The following TNRC6C variants were observed in gnomAD, a reference collection of about 807,000 sequenced individuals.
TNRC6C encodes trinucleotide repeat containing adaptor 6C.
A neutral mutation model predicts 153.7 loss-of-function variants in TNRC6C; 20 were observed. The observed-to-expected ratio is 0.13, with a 90% CI of 0.09 to 0.19. TNRC6C has a LOEUF of 0.19. TNRC6C is among the 10% of genes least tolerant of loss of function. The pLI is 1.00. For missense variants in TNRC6C, 1,987 were observed against 2,172.0 expected, an observed-to-expected ratio of 0.91 and a Z score of 1.69; for synonymous variants, 811 against 841.4, an observed-to-expected ratio of 0.96 and a Z score of 0.63.
intron 5 of TNRC6C, among the ~76,000 whole-genome samples, chr17:78,068,287 C>G (rs1431345739): frequency 1.3e-5 from 2 of 152,322 alleles, no homozygotes; most frequent in East Asian, 3.9e-4. Flanking sequence ...AAATTAATTA[C>G]TTTTTATTTT....
intron 1 of TNRC6C, among the ~76,000 whole-genome samples, chr17:77,978,769 A>AC (rs1488755271): frequency 3.3e-5 from 5 of 151,992 alleles, no homozygotes; most frequent in Non-Finnish European, 5.9e-5. Context: ...CACCCTTCTT[A>AC]CCCCCTAAAA....
chr17:78,092,548 A>G (rs2073411832), intron 14 of TNRC6C, among the ~76,000 whole-genome samples: 1 of 152,162 alleles, frequency 6.6e-6, no homozygotes, highest in African/African-American at 2.4e-5. Context: ...TTGTTCTTCA[A>G]GGGTTTCAAT....
chr17:78,031,736 G>T, exon 2 of TNRC6C: 1 of 1,232,294 alleles, frequency 8.1e-7, no homozygotes, highest in South Asian at 4.1e-5. Context: ...TGCCTACGGG[G>T]ACTCTAACCA....
At chr17:78,100,118 G>A (rs1478469869) in intron 17 of TNRC6C, among the ~76,000 whole-genome samples, 1 of 152,228 alleles carries the variant, frequency 6.6e-6, no homozygotes, top group East Asian at 1.9e-4. Context: ...CCTCTTGGCT[G>A]TCTTCACGGG....
At chr17:78,090,510 A>C (rs1165668516) in intron 13 of TNRC6C, among the ~76,000 whole-genome samples, 1 of 152,236 alleles carries the variant, frequency 6.6e-6, no homozygotes, top group Non-Finnish European at 1.5e-5. Context: ...GGGGAACTGC[A>C]GCTGGAAATA....
chr17:78,024,798 T>C (rs2143611498), intron 1 of TNRC6C, among the ~76,000 whole-genome samples: 1 of 152,012 alleles, frequency 6.6e-6, no homozygotes, highest in Middle Eastern at 3.4e-3. Flanking sequence ...CTAGTATTGA[T>C]ACTTTTTTTT....
At chr17:78,087,341 C>T (rs1308556382) in intron 13 of TNRC6C, among the ~76,000 whole-genome samples, 2 of 152,010 alleles carry the variant, frequency 1.3e-5, no homozygotes, top group Non-Finnish European at 2.9e-5. Context: ...TGGTCTTGAA[C>T]TCCTGGGCTC....
intron 1 of TNRC6C, among the ~76,000 whole-genome samples, chr17:77,964,063 G>A (rs1318346136): frequency 6.6e-6 from 1 of 152,130 alleles, no homozygotes; most frequent in East Asian, 1.9e-4. Flanking sequence ...AGAGTCATCT[G>A]GAATCTTCCA....
chr17:78,104,971 A>T lies in TNRC6C; in HGVS notation c.*126A>T, dbSNP rs1395678777. 6.3e-6 allele frequency: 8 copies of T among 1,262,126 alleles called. No individual in the cohort carries two copies. Among genetic ancestry groups the T allele is most frequent in the Non-Finnish European group, 6.1e-6 (6 of 987,002 alleles). The allele number at this position is 1,262,126 out of a possible 1,614,324, so 78.2% of individuals were successfully genotyped here. A position where few individuals can be genotyped will look rare whatever the true frequency, so the allele number is the denominator to read the frequency against. On this transcript the variant is annotated 3_prime_UTR_variant, in exon 20 of 20. Transcript: ENST00000301624. The surrounding 1 kb of genome is among the most constrained non-coding windows in gnomAD (Gnocchi z 6.2). Reference sequence around the variant, plus strand: ...TGAGTACCTCTGTCCAGGACTGAAGACGAACCTTGGCCGCAGTCCTTGCGA... The same window carrying T: ...TGAGTACCTCTGTCCAGGACTGAAGTCGAACCTTGGCCGCAGTCCTTGCGA...
chr17:78,044,785 G>A (rs2072373018), intron 2 of TNRC6C, among the ~76,000 whole-genome samples: 1 of 152,176 alleles, frequency 6.6e-6, no homozygotes, highest in South Asian at 2.1e-4. Context: ...AAAGCATTTT[G>A]GCTATTAGGC....
chr17:78,065,665 G>A (rs190930175), intron 4 of TNRC6C, among the ~76,000 whole-genome samples: 2 of 152,086 alleles, frequency 1.3e-5, no homozygotes, highest in Non-Finnish European at 2.9e-5. Context: ...GCATCTTGCC[G>A]TATTGCCCTG....
exon 3 of TNRC6C, chr17:78,051,151 G>C (rs938066490): frequency 7.0e-6 from 11 of 1,576,450 alleles, no homozygotes; most frequent in Non-Finnish European, 9.5e-6. Flanking sequence ...CGGGGGGCCG[G>C]TACCGGTCAA....
At chr17:78,107,574 C>T (rs1007430423) in exon 20 of TNRC6C, 1 of 152,274 alleles carries the variant, frequency 6.6e-6, no homozygotes, top group Non-Finnish European at 1.5e-5. Flanking sequence ...TCAGAGCTCA[C>T]ATACGTACCT....
At chr17:78,012,054 G>A (rs1453872629) in intron 1 of TNRC6C, 1 of 150,630 alleles carries the variant, frequency 6.6e-6, no homozygotes, top group South Asian at 2.1e-4. Context: ...AAGACTCATC[G>A]CTACAGGTTG....
intron 1 of TNRC6C, among the ~76,000 whole-genome samples, chr17:78,029,985 CTG>C (rs1167215498): frequency 1.3e-5 from 2 of 152,046 alleles, no homozygotes; most frequent in Non-Finnish European, 2.9e-5. Flanking sequence ...CTGCCTTAGG[CTG>C]TTTTACAGTT....
chr17:78,007,273 G>A (rs2071537452), intron 1 of TNRC6C, among the ~76,000 whole-genome samples: 1 of 152,214 alleles, frequency 6.6e-6, no homozygotes, highest in African/African-American at 2.4e-5. Flanking sequence ...AGAATGGGTT[G>A]TAGTAATAAT....
At chr17:78,100,926 C>T (rs2073582519) in intron 17 of TNRC6C, among the ~76,000 whole-genome samples, 1 of 151,956 alleles carries the variant, frequency 6.6e-6, no homozygotes, top group Non-Finnish European at 1.5e-5. Flanking sequence ...CAGGTGCCTG[C>T]CACCATGCCC....
chr17:78,097,237 T>A lies in TNRC6C; in HGVS notation c.4307-1106T>A, dbSNP rs565322377. Among the ~76,000 whole-genome samples, 400 of 151,804 alleles carry A rather than the reference T, an allele frequency of 2.6e-3. 3 individuals carry two copies. The highest frequency in any genetic ancestry group is 0.01 in the Middle Eastern group (3 of 294). On this transcript the variant is annotated intron_variant, in intron 16 of 19. Coordinates refer to ENST00000301624, the Ensembl canonical transcript of TNRC6C. ...AACAGCCCCATCTCTTAAAAAAAAATTTTTTTTAAGCAAAATATGAGTGTA... is the reference window on the plus strand; with the variant it reads ...AACAGCCCCATCTCTTAAAAAAAAAATTTTTTTAAGCAAAATATGAGTGTA...
At chr17:78,107,066 C>T (rs1014299434) in exon 20 of TNRC6C, 2 of 152,052 alleles carry the variant, frequency 1.3e-5, no homozygotes, top group East Asian at 3.9e-4. Context: ...TCTATATATT[C>T]GATGGACATA....
Sources: gnomAD v4.1 joint callset for allele counts (sites outside exome capture counted in the v4.1 genomes callset) on GRCh38, gnomAD v4.1.1 for gene constraint, Gnocchi (gnomAD v3.1) non-coding constraint, MANE v1.5 for transcripts, NCBI Gene and HGNC (gene_info 2026-07-23, HGNC 2026-07-21) for gene names.